The following ZFPM2 variants were observed in gnomAD, a reference collection of about 807,000 sequenced individuals.
The protein encoded by ZFPM2 is zinc finger protein, FOG family member 2.
A neutral mutation model predicts 98.6 loss-of-function variants in ZFPM2; 20 were observed. That is an observed-to-expected ratio of 0.20 (90% CI 0.14 to 0.29). ZFPM2 has a LOEUF of 0.29. Ranked by LOEUF, ZFPM2 falls within the 10% of genes least tolerant of loss-of-function variation. The probability of loss-of-function intolerance (pLI) is 1.00; values close to 1 mark genes in which losing one functional copy is unlikely to be tolerated. For synonymous variants in ZFPM2, 518 were observed against 502.7 expected (o/e 1.03, Z -0.41); for missense variants, 1,310 against 1,388.6 (o/e 0.94, Z 0.90).
chr8:105,411,017 C>G (rs936492686), intron 1 of ZFPM2, among the ~76,000 whole-genome samples: 5 of 151,820 alleles, frequency 3.3e-5, no homozygotes, highest in Non-Finnish European at 7.4e-5. Context: ...GGATTTCACA[C>G]TGTTTAGTGG....
chr8:105,508,449 G>T (rs1022359354), intron 3 of ZFPM2, among the ~76,000 whole-genome samples: 1 of 152,112 alleles, frequency 6.6e-6, no homozygotes, highest in Non-Finnish European at 1.5e-5. Flanking sequence ...TGGGCTGGGG[G>T]TTGTTTTGTT....
intron 1 of ZFPM2, among the ~76,000 whole-genome samples, chr8:105,406,056 G>T (rs566583642): frequency 6.6e-6 from 1 of 151,906 alleles, no homozygotes; most frequent in Non-Finnish European, 1.5e-5. Flanking sequence ...TTTCATGTGT[G>T]TTTTGGCTGC....
At chr8:105,525,697 A>G (rs1194053826) in intron 3 of ZFPM2, among the ~76,000 whole-genome samples, 4 of 152,234 alleles carry the variant, frequency 2.6e-5, no homozygotes, top group Non-Finnish European at 5.9e-5. Flanking sequence ...CATAGCATGT[A>G]GAATTTAACA....
intron 4 of ZFPM2, among the ~76,000 whole-genome samples, chr8:105,613,193 G>T (rs965651959): frequency 6.6e-6 from 1 of 152,132 alleles, no homozygotes; most frequent in African/African-American, 2.4e-5. Context: ...CAATACGTCA[G>T]CATAGCCAAA....
chr8:105,636,530 T>C (rs1586165543), intron 5 of ZFPM2, among the ~76,000 whole-genome samples: 1 of 152,148 alleles, frequency 6.6e-6, no homozygotes, highest in East Asian at 1.9e-4. Flanking sequence ...AGTTTATGTG[T>C]CCAAAAAGGA....
chr8:105,688,855 A>T (rs1343865421), intron 5 of ZFPM2, among the ~76,000 whole-genome samples: 2 of 152,136 alleles, frequency 1.3e-5, no homozygotes, highest in Admixed American at 6.5e-5. Flanking sequence ...AGTAAGCATA[A>T]ATTACTCAGA....
chr8:105,719,738 G>A (rs1586218413), intron 5 of ZFPM2, among the ~76,000 whole-genome samples: 1 of 152,000 alleles, frequency 6.6e-6, no homozygotes, highest in African/African-American at 2.4e-5. Flanking sequence ...GTTGCTATTA[G>A]TATTAGTCTT....
intron 5 of ZFPM2, among the ~76,000 whole-genome samples, chr8:105,728,213 A>G (rs1811858263): frequency 6.6e-6 from 1 of 151,706 alleles, no homozygotes; most frequent in Non-Finnish European, 1.5e-5. Context: ...GAGTAAAAAT[A>G]TAGACCCTAT....
At chr8:105,748,804 A>G (rs1219528323) in intron 5 of ZFPM2, among the ~76,000 whole-genome samples, 4 of 152,092 alleles carry the variant, frequency 2.6e-5, no homozygotes, top group African/African-American at 7.2e-5. Flanking sequence ...TATAATATGC[A>G]TTGACAAAGC....
chr8:105,320,353 A>G (rs1231331900), intron 1 of ZFPM2, among the ~76,000 whole-genome samples: 3 of 150,808 alleles, frequency 2.0e-5, no homozygotes, highest in Non-Finnish European at 3.0e-5. Context: ...CTTCTCTTAT[A>G]CTTCAGTTCT....
At chr8:105,763,870 G>C (rs1423637751) in intron 5 of ZFPM2, among the ~76,000 whole-genome samples, 4 of 151,806 alleles carry the variant, frequency 2.6e-5, no homozygotes, top group Admixed American at 6.6e-5. Context: ...TCTAAAAAAA[G>C]ATGGGATCAT....
chr8:105,368,274 T>C (rs1279324582), intron 1 of ZFPM2, among the ~76,000 whole-genome samples: 1 of 151,936 alleles, frequency 6.6e-6, no homozygotes, highest in Non-Finnish European at 1.5e-5. Flanking sequence ...TCTTTTTCTA[T>C]TGATTGGAAT....
intron 5 of ZFPM2, among the ~76,000 whole-genome samples, chr8:105,747,898 C>T (rs1472387863): frequency 2.0e-5 from 3 of 152,018 alleles, no homozygotes; most frequent in South Asian, 2.1e-4. Context: ...CTTAATATTT[C>T]GTGGTTGAGC....
intron 3 of ZFPM2, among the ~76,000 whole-genome samples, chr8:105,501,208 A>C (rs570792888): frequency 7.1e-6 from 1 of 141,218 alleles, no homozygotes; most frequent in Non-Finnish European, 1.5e-5. Flanking sequence ...TTTGAGATGG[A>C]GTCTTGCTCT....
At chr8:105,341,472 G>A (rs1319580726) in intron 1 of ZFPM2, among the ~76,000 whole-genome samples, 1 of 151,582 alleles carries the variant, frequency 6.6e-6, no homozygotes, top group East Asian at 1.9e-4. Flanking sequence ...TACTATTACT[G>A]TAAGGTAACA....
intron 3 of ZFPM2, among the ~76,000 whole-genome samples, chr8:105,546,583 A>AC (rs1554615909): frequency 6.7e-6 from 1 of 149,740 alleles, no homozygotes; most frequent in Non-Finnish European, 1.5e-5. Context: ...AAAAAAAAAA[A>AC]ACAAACCCAA....
intron 5 of ZFPM2, among the ~76,000 whole-genome samples, chr8:105,640,364 G>A (rs1816927592): frequency 6.6e-6 from 1 of 151,950 alleles, no homozygotes; most frequent in Non-Finnish European, 1.5e-5. Flanking sequence ...AACAGCAGTG[G>A]CAGCAATAGT....
In ZFPM2 at chr8:105,347,229, T is replaced by C. The variant is rs563070493; in HGVS notation, c.40+28248T>C. ...AAAGTATTCAATCTAAGCGTGATTA[T>C]TCTTTTAACATTAAAAATTCAATTT... On this transcript the variant is annotated intron_variant, in intron 1 of 7. Coordinates refer to ENST00000407775, the MANE Select transcript of ZFPM2 (RefSeq NM_012082.4). Among the ~76,000 whole-genome samples the C allele has an allele frequency of 2.5e-3, 380 of 152,166 alleles. 3 individuals are homozygous for C. The highest frequency in any genetic ancestry group is 8.8e-3 in the African/African-American group (365 of 41,490).
At chr8:105,647,692 A>G (rs989920834) in intron 5 of ZFPM2, among the ~76,000 whole-genome samples, 1 of 152,098 alleles carries the variant, frequency 6.6e-6, no homozygotes, top group African/African-American at 2.4e-5. Context: ...CCACGTCCCC[A>G]CAAAGGACAT....
Sources: allele counts gnomAD v4.1 joint callset (sites outside exome capture counted in the v4.1 genomes callset), GRCh38; gene constraint gnomAD v4.1.1; transcripts MANE v1.5; gene names NCBI Gene and HGNC (gene_info 2026-07-23, HGNC 2026-07-21).